Variants in CFAP54 observed in about 807,000 individuals in gnomAD.
CFAP54 encodes cilia and flagella associated protein 54, also known as cilia- and flagella-associated protein 54.
CFAP54 carries 290 observed loss-of-function variants against 370.4 expected under a neutral mutation model. That is an observed-to-expected ratio of 0.78 (90% CI 0.71 to 0.86). The LOEUF (loss-of-function observed/expected upper bound fraction) is 0.86. Among genes scored for constraint, CFAP54 ranks in the 40% least tolerant of loss-of-function variants. The probability of loss-of-function intolerance (pLI) is 0.00; values close to 1 mark genes in which losing one functional copy is unlikely to be tolerated. For missense variants in CFAP54, 3,399 were observed against 3,528.7 expected (o/e 0.96, Z 0.93); for synonymous variants, 1,206 against 1,236.5 (o/e 0.98, Z 0.52).
intron 19 of CFAP54, among the ~76,000 whole-genome samples, chr12:96,571,495 AC>A (rs1479789177): frequency 6.6e-6 from 1 of 152,118 alleles, no homozygotes; most frequent in Non-Finnish European, 1.5e-5. Context: ...TTTGCTAGGC[AC>A]TGTGGTAGGT....
At chr12:96,542,224 C>T (rs373207879) in intron 14 of CFAP54, among the ~76,000 whole-genome samples, 1 of 152,158 alleles carries the variant, frequency 6.6e-6, no homozygotes, top group South Asian at 2.1e-4. Context: ...GTTTTAGAGC[C>T]ATGGTTCTCA....
chr12:96,621,417 C>A (rs1301226588), intron 26 of CFAP54, among the ~76,000 whole-genome samples, 173 bp from the exon 27 acceptor site: 4 of 151,636 alleles, frequency 2.6e-5, no homozygotes, highest in Admixed American at 1.3e-4. Context: ...TCTTTAGTTG[C>A]ACTCAATGTG....
intron 39 of CFAP54, among the ~76,000 whole-genome samples, chr12:96,669,801 G>T (rs566541999): frequency 6.6e-6 from 1 of 152,332 alleles, no homozygotes; most frequent in African/African-American, 2.4e-5. Flanking sequence ...ACTCAGGAGA[G>T]AGCAGATTGG....
intron 18 of CFAP54, 40 bp downstream of exon 18, chr12:96,564,594 G>T (rs1177153828): frequency 1.5e-6 from 1 of 666,976 alleles, no homozygotes; most frequent in Admixed American, 2.3e-5. Context: ...CAAAAAATTT[G>T]GAAGATAGTT....
At chr12:96,740,419 G>C (rs750094109) in intron 51 of CFAP54, among the ~76,000 whole-genome samples, 3 of 152,176 alleles carry the variant, frequency 2.0e-5, no homozygotes, top group Admixed American at 6.5e-5. Flanking sequence ...TGAATCTATT[G>C]CCTTAGCATT....
At chr12:96,664,711 ATATCTATATATATCTATATATATATATC>A (rs1565934214) in intron 39 of CFAP54, among the ~76,000 whole-genome samples, 318 of 11,212 alleles carry the variant, frequency 0.028, 5 homozygotes, top group South Asian at 0.094. Context: ...ATATATATAT[ATATCTATATATATCTATATATATATATC>A]TATATATATA....
chr12:96,535,405 C>T (rs1404734680), intron 11 of CFAP54, 110 bp from the exon 12 acceptor site: 22 of 669,712 alleles, frequency 3.3e-5, no homozygotes, highest in Middle Eastern at 2.6e-4. Flanking sequence ...GATATTTGCC[C>T]GCCTATCATT....
At chr12:96,838,063 C>T (rs1959192119) in intron 66 of CFAP54, among the ~76,000 whole-genome samples, 1 of 152,122 alleles carries the variant, frequency 6.6e-6, no homozygotes, top group Admixed American at 6.5e-5. Context: ...ATTTTAATTG[C>T]TTTGGAAAAT....
intron 17 of CFAP54, among the ~76,000 whole-genome samples, chr12:96,557,112 T>C (rs968557705): frequency 3.3e-5 from 5 of 150,908 alleles, no homozygotes; most frequent in Non-Finnish European, 3.0e-5. Flanking sequence ...CTGGAGGCTC[T>C]GGGGGAGAAC....
At chr12:96,614,800 C>A (rs1159655561) in intron 26 of CFAP54, among the ~76,000 whole-genome samples, 1 of 152,056 alleles carries the variant, frequency 6.6e-6, no homozygotes, top group Non-Finnish European at 1.5e-5. Context: ...ATACAACTTA[C>A]AAGGGATGTG....
intron 32 of CFAP54, among the ~76,000 whole-genome samples, chr12:96,634,636 G>A (rs1423827824): frequency 6.6e-6 from 1 of 152,050 alleles, no homozygotes; most frequent in Non-Finnish European, 1.5e-5. Context: ...TTAATGGGTT[G>A]TGCTTTTGGT....
At chr12:96,803,715 A>G (rs539878764) in intron 63 of CFAP54, among the ~76,000 whole-genome samples, 17 of 152,302 alleles carry the variant, frequency 1.1e-4, no homozygotes, top group Admixed American at 1.0e-3. Flanking sequence ...AACCAACAAC[A>G]TATATACACC....
chr12:96,805,739 GT>G (rs1958870901), intron 63 of CFAP54, among the ~76,000 whole-genome samples: 1 of 152,020 alleles, frequency 6.6e-6, no homozygotes, highest in South Asian at 2.1e-4. Context: ...CTACAACTGG[GT>G]GTATATCCAA....
intron 64 of CFAP54, among the ~76,000 whole-genome samples, chr12:96,817,016 A>G (rs1958981640): frequency 6.6e-6 from 1 of 152,146 alleles, no homozygotes; most frequent in East Asian, 1.9e-4. Flanking sequence ...CTGAATTGTT[A>G]TGGGTCCGTT....
intron 56 of CFAP54, among the ~76,000 whole-genome samples, chr12:96,754,480 G>A (rs932994185): frequency 6.6e-6 from 1 of 152,148 alleles, no homozygotes; most frequent in East Asian, 1.9e-4. Flanking sequence ...TGTTCAATAT[G>A]TATCTCATAG....
intron 20 of CFAP54, 97 bp downstream of exon 20, chr12:96,576,858 A>G (rs1437738828): frequency 9.9e-7 from 1 of 1,005,032 alleles, no homozygotes; most frequent in Non-Finnish European, 1.4e-6. Flanking sequence ...GGAACTGGAT[A>G]GTCTTATTCA....
At chr12:96,738,932 C>A (rs74967899) in intron 50 of CFAP54, among the ~76,000 whole-genome samples, 13,079 of 152,186 alleles carry the variant, frequency 0.086, 805 homozygotes, top group South Asian at 0.27. Flanking sequence ...TTTACAGAAA[C>A]AACAGTCATA....
At chr12:96,718,001 T>A (rs1304724005) in intron 48 of CFAP54, among the ~76,000 whole-genome samples, 1 of 152,216 alleles carries the variant, frequency 6.6e-6, no homozygotes, top group East Asian at 1.9e-4. Context: ...ATTATCATTG[T>A]GTTTTTTAAA....
At chr12:96,725,053 C>G (rs371980487) in intron 50 of CFAP54, among the ~76,000 whole-genome samples, 25 of 152,120 alleles carry the variant, frequency 1.6e-4, no homozygotes, top group East Asian at 3.9e-4. Flanking sequence ...TTTGGTACCA[C>G]TACCATGCTG....
Sources: gnomAD v4.1 joint callset for allele counts (sites outside exome capture counted in the v4.1 genomes callset) on GRCh38, gnomAD v4.1.1 for gene constraint, MANE v1.5 for transcripts, NCBI Gene and HGNC (gene_info 2026-07-23, HGNC 2026-07-21) for gene names.